AP3B2: variants seen among roughly 807,000 people sequenced by gnomAD.
The protein encoded by AP3B2 is AP-3 complex subunit beta-2.
AP3B2 carries 50 observed loss-of-function variants against 126.9 expected under a neutral mutation model. The ratio of observed to expected loss-of-function variants is 0.39; its 90% CI spans 0.31 to 0.50. AP3B2 has a LOEUF of 0.50. Ranked by LOEUF, AP3B2 falls within the 20% of genes least tolerant of loss-of-function variation. AP3B2 has a pLI of 0.79. For missense variants in AP3B2, 1,177 were observed against 1,426.4 expected (o/e 0.83, Z 2.82); for synonymous variants, 541 against 565.0 (o/e 0.96, Z 0.60).
At position 82,659,927 on chromosome 15, in the gene AP3B2, G is replaced by T; in HGVS notation, c.3073C>A (p.Arg1025=). 6.2e-7 allele frequency: 1 copy of T among 1,613,912 alleles called. No individual in the cohort carries two copies. The highest frequency in any genetic ancestry group is 1.1e-5 in the South Asian group (1 of 91,078). The change falls in exon 26 of 27, where the codon CGG becomes AGG. Residue 1025 remains arginine, a synonymous_variant. Coordinates refer to ENST00000535359, the MANE Select transcript of AP3B2 (RefSeq NM_001278512.2). ...TTCTGCACCACAATGTGGTCACTCC[G>T]ACAGGTGTCTGGCAGCATGAGTTTC... ...TEKLMLPDTC[R]SDHIVVQKVT...
At chr15:82,669,195 A>G (rs2048108183) in intron 14 of AP3B2, among the ~76,000 whole-genome samples, 1 of 152,226 alleles carries the variant, frequency 6.6e-6, no homozygotes, top group South Asian at 2.1e-4. Flanking sequence ...ATTATGTTTT[A>G]TTAAGAAGAC....
At chr15:82,671,120 T>C (rs2048150160) in intron 14 of AP3B2, among the ~76,000 whole-genome samples, 1 of 151,818 alleles carries the variant, frequency 6.6e-6, no homozygotes, top group Non-Finnish European at 1.5e-5. Flanking sequence ...CCATCTTTAC[T>C]AAAAGTACAG....
chr15:82,702,600 A>C (rs1181877597), intron 1 of AP3B2, among the ~76,000 whole-genome samples: 2 of 149,204 alleles, frequency 1.3e-5, no homozygotes, highest in African/African-American at 5.0e-5. Flanking sequence ...ACCAAGGAAC[A>C]CCCCCCTTTG....
chr15:82,689,444 G>T lies in AP3B2; in HGVS notation c.123C>A (p.Asp41Glu), dbSNP rs755676693. 7 of 1,613,550 alleles carry T rather than the reference G, an allele frequency of 4.3e-6. No individual in the cohort carries two copies. The South Asian group carries it at 7.7e-5, about 18-fold the overall frequency. ...IFSSDYKRHD[D>E]LKEMLDTNKD... ...TGTTGGTGTCCAGCATCTCCTTCAG[G>T]TCATCATGCCTGGTGGGAGGTACAA... The change falls in exon 2 of 27, where the codon GAC becomes GAA. Residue 41 changes from aspartate (D) to glutamate (E), a missense_variant. By Grantham distance (45) the Asp-to-Glu change is conservative. Coordinates refer to ENST00000535359, the MANE Select transcript of AP3B2 (RefSeq NM_001278512.2).
Position 82,680,444 on chromosome 15 carries a change from A to AGGGGGCGGGGCT in AP3B2, c.1055+16_1055+27dup, listed in dbSNP as rs1211277071. On this transcript the variant is annotated intron_variant, in intron 8 of 26. Coordinates refer to ENST00000535359, the MANE Select transcript of AP3B2 (RefSeq NM_001278512.2). The surrounding 1 kb of genome is among the most constrained non-coding windows in gnomAD (Gnocchi z 6.1). Reference sequence around the variant, plus strand: ...CGTGGGGCGGGGCAGGAGGCGAGGGAGGGGGCGGGGCTGGGGGCGGAGCGC... The same window carrying AGGGGGCGGGGCT: ...CGTGGGGCGGGGCAGGAGGCGAGGGAGGGGGCGGGGCTGGGGGCGGGGCTGGGGGCGGAGCGC... The AGGGGGCGGGGCT allele has an allele frequency of 1.2e-5, 10 of 805,400 alleles. No individual in the cohort carries two copies. The highest frequency in any genetic ancestry group is 7.7e-5 in the Admixed American group (1 of 12,968). The allele number at this position is 805,400 out of a possible 1,614,324, so 49.9% of individuals were successfully genotyped here.
chr15:82,695,083 TTTTC>T (rs1357439187), intron 1 of AP3B2, among the ~76,000 whole-genome samples: 158 of 140,344 alleles, frequency 1.1e-3, no homozygotes, highest in African/African-American at 1.3e-3. Context: ...TTGGAACTTT[TTTTC>T]TTTCTTTCTT....
Position 82,678,322 on chromosome 15 carries a change from T to C in AP3B2, c.1183-155A>G, listed in dbSNP as rs558845057. On this transcript the variant is annotated intron_variant, in intron 10 of 26. Coordinates refer to ENST00000535359, the MANE Select transcript of AP3B2 (RefSeq NM_001278512.2). Reference sequence around the variant, plus strand: ...GAGGGAATTGACAGGTTATGAAACTTGTCTAAAAAGCAAGAGGACCAGTTT... The same window carrying C: ...GAGGGAATTGACAGGTTATGAAACTCGTCTAAAAAGCAAGAGGACCAGTTT... Among the ~76,000 whole-genome samples the C allele has an allele frequency of 1.5e-4, 23 of 152,198 alleles. No homozygotes were observed. In the East Asian group the frequency reaches 4.5e-3, roughly 29 times the overall value.
Position 82,680,413 on chromosome 15 carries a change from G to A in AP3B2, c.1055+59C>T. On this transcript the variant is annotated intron_variant, in intron 8 of 26. Coordinates refer to ENST00000535359, the MANE Select transcript of AP3B2 (RefSeq NM_001278512.2). The surrounding 1 kb of genome is among the most constrained non-coding windows in gnomAD (Gnocchi z 6.1). ...GGTGGGCGTGAGGGGGCGGAGCCGG[G>A]CAGCCCGTGGGGCGGGGCAGGAGGC... The A allele has an allele frequency of 7.0e-7, 1 of 1,435,470 alleles. No individual in the cohort carries two copies. Among genetic ancestry groups the A allele is most frequent in the Non-Finnish European group, 9.2e-7 (1 of 1,092,184 alleles). The allele number at this position is 1,435,470 out of a possible 1,614,324, so 88.9% of individuals were successfully genotyped here.
intron 1 of AP3B2, among the ~76,000 whole-genome samples, chr15:82,704,160 C>A (rs2048761433): frequency 6.6e-6 from 1 of 152,182 alleles, no homozygotes; most frequent in African/African-American, 2.4e-5. Context: ...TATAAAAACC[C>A]AGCCCAGTTC....
At position 82,664,918 on chromosome 15, in the gene AP3B2, T is replaced by C; in HGVS notation, c.2054A>G (p.Asn685Ser). ...TEVPEWTKCSNREKRKEKEKP... is the reference protein window; with the variant it reads ...TEVPEWTKCSSREKRKEKEKP... ...TTCCTTCTCCTTTCTCTTCTCCCGATTTGAGCACTTGGTCCATTCAGGTAC... is the reference window on the plus strand; with the variant it reads ...TTCCTTCTCCTTTCTCTTCTCCCGACTTGAGCACTTGGTCCATTCAGGTAC... Residue 685 changes from asparagine (N) to serine (S), a missense_variant, in exon 18 of 27, where the codon AAT becomes AGT. By Grantham distance (46) the Asn-to-Ser change is conservative (BLOSUM62 1). Around this residue, in one of 5 missense-constraint regions of AP3B2, gnomAD observed 587 missense variants for 571.3 expected, o/e 1.03. Coordinates refer to ENST00000535359, the MANE Select transcript of AP3B2 (RefSeq NM_001278512.2). The surrounding 1 kb of genome is among the most constrained non-coding windows in gnomAD (Gnocchi z 4.5). 1 of 1,608,666 alleles carries C rather than the reference T, an allele frequency of 6.2e-7. No homozygotes were observed. Among genetic ancestry groups the C allele is most frequent in the East Asian group, 2.2e-5 (1 of 44,812 alleles).
At position 82,680,798 on chromosome 15, in the gene AP3B2, C is replaced by G; in HGVS notation, c.771+39G>C. The G allele has an allele frequency of 6.2e-7, 1 of 1,609,328 alleles. No homozygotes were observed. Among genetic ancestry groups the G allele is most frequent in the Non-Finnish European group, 8.5e-7 (1 of 1,177,656 alleles). ...CGGGTCTGTGGGCGCCTCCCCGGGA[C>G]ACACTTCGGCCCGCTCTGCCTGGGC... On this transcript the variant is annotated intron_variant, in intron 7 of 26. Coordinates refer to ENST00000535359, the MANE Select transcript of AP3B2 (RefSeq NM_001278512.2). The surrounding 1 kb of genome is among the most constrained non-coding windows in gnomAD (Gnocchi z 6.1).
Position 82,709,654 on chromosome 15 carries a change from C to G in AP3B2, c.53G>C (p.Gly18Ala), listed in dbSNP as rs2048852200. The change falls in exon 1 of 27, where the codon GGG becomes GCG. Residue 18 changes from glycine (G) to alanine (A), a missense_variant. Around this residue, in one of 5 missense-constraint regions of AP3B2, gnomAD observed 49 missense variants for 39.3 expected, o/e 1.25. Transcript: ENST00000535359. ...SEDKGGSAGP[G>A]EPEYGHDPAS... ...GGGGTCGTGGCCGTACTCGGGCTCCCCGGGGCCAGCGGAGCCGCCCTTGTC... is the reference window on the plus strand; with the variant it reads ...GGGGTCGTGGCCGTACTCGGGCTCCGCGGGGCCAGCGGAGCCGCCCTTGTC... 6.6e-7 allele frequency: 1 copy of G among 1,518,154 alleles called. No homozygotes were observed. The highest frequency in any genetic ancestry group is 8.8e-7 in the Non-Finnish European group (1 of 1,135,806). The allele number at this position is 1,518,154 out of a possible 1,614,324, so 94.0% of individuals were successfully genotyped here.
Position 82,680,327 on chromosome 15 carries a change from A to T in AP3B2, c.1056-98T>A. 1 of 1,566,500 alleles carries T rather than the reference A, an allele frequency of 6.4e-7. No homozygotes were observed. The highest frequency in any genetic ancestry group is 1.3e-5 in the African/African-American group (1 of 74,204). ...TGGGGCAAGTCGTTGCGGGGAGAGG[A>T]CCAGTGCGGAGGGCAGGACTACGGT... On this transcript the variant is annotated intron_variant, in intron 8 of 26. Coordinates refer to ENST00000535359, the MANE Select transcript of AP3B2 (RefSeq NM_001278512.2). This position sits in a 1 kb window ranked among gnomAD's most constrained non-coding sequence, Gnocchi z 6.1.
chr15:82,691,706 A>C, intron 1 of AP3B2: 1 of 1,486,368 alleles, frequency 6.7e-7, no homozygotes, highest in East Asian at 2.5e-5. Flanking sequence ...ATAAAGAAAA[A>C]ATTCCCATCA....
intron 1 of AP3B2, among the ~76,000 whole-genome samples, chr15:82,698,609 A>C (rs1331239284): frequency 6.6e-6 from 1 of 152,042 alleles, no homozygotes; most frequent in African/African-American, 2.4e-5. Flanking sequence ...TTTGATGATA[A>C]ATGTAGGCTT....
chr15:82,670,112 T>TTG lies in AP3B2; in HGVS notation c.1666-3180_1666-3179insCA, dbSNP rs1555465704. 1.0e-3 allele frequency among the ~76,000 whole-genome samples: 70 copies of TTG among 68,930 alleles called. 8 individuals carry two copies. The highest frequency in any genetic ancestry group is 1.4e-3 in the Non-Finnish European group (47 of 33,506). The allele number at this position is 68,930 out of a possible 152,430, so 45.2% of individuals were successfully genotyped here. On this transcript the variant is annotated intron_variant, in intron 14 of 26. Transcript: ENST00000535359. ...AAAAAATCAGTGGCTTTTTTTTTTT[T>TTG]GGCGGGGGGGGACGAAGATGAAGTC...
chr15:82,692,018 C>T, intron 1 of AP3B2: 1 of 1,467,260 alleles, frequency 6.8e-7, no homozygotes, highest in Non-Finnish European at 9.5e-7. Context: ...CAGGTCCTGC[C>T]AGCTGCCTGA....
chr15:82,671,349 T>A (rs950135472), intron 14 of AP3B2, among the ~76,000 whole-genome samples: 1 of 152,078 alleles, frequency 6.6e-6, no homozygotes, highest in Non-Finnish European at 1.5e-5. Context: ...ATCCAAAAGA[T>A]AGGCAATAAC....
rs934966624 is a variant in AP3B2 at position 82,677,901 on chromosome 15, G to A, written c.1246-98C>T. 8 of 1,444,120 alleles carry A rather than the reference G, an allele frequency of 5.5e-6. No individual in the cohort carries two copies. The Admixed American group carries it at 9.5e-5, about 17-fold the overall frequency. The allele number at this position is 1,444,120 out of a possible 1,614,324, so 89.5% of individuals were successfully genotyped here. A position where few individuals can be genotyped will look rare whatever the true frequency, so the allele number is the denominator to read the frequency against. On this transcript the variant is annotated intron_variant, in intron 11 of 26. Transcript: ENST00000535359. ...TTTCATTTTATGGCTTATCATGCCGGTGACTAAGACTTGGGAAAGGGGGTG... is the reference window on the plus strand; with the variant it reads ...TTTCATTTTATGGCTTATCATGCCGATGACTAAGACTTGGGAAAGGGGGTG...
Sources: gnomAD v4.1 joint callset for allele counts (sites outside exome capture counted in the v4.1 genomes callset) on GRCh38, gnomAD v4.1.1 for gene constraint, gnomAD v4.1.1 regional missense constraint, Gnocchi (gnomAD v3.1) non-coding constraint, MANE v1.5 for transcripts, NCBI Gene and HGNC (gene_info 2026-07-23, HGNC 2026-07-21) for gene names.